ZNF616: variants seen among roughly 807,000 people sequenced by gnomAD.
The protein encoded by ZNF616 is zinc finger protein 616.
In ZNF616, 5 loss-of-function variants were observed where a neutral mutation model predicts 7.6. That is an observed-to-expected ratio of 0.66 (90% CI 0.34 to 1.38). The LOEUF is 1.38. Among genes scored for constraint, ZNF616 ranks in the 40% most tolerant of loss-of-function variants. ZNF616 has a pLI of 0.04. For missense variants in ZNF616, 913 were observed against 948.3 expected, an observed-to-expected ratio of 0.96 and a Z score of 0.49; for synonymous variants, 319 against 317.2, an observed-to-expected ratio of 1.01 and a Z score of -0.06.
At position 52,115,784 on chromosome 19, in the gene ZNF616, G is replaced by C. The variant is rs779774235; in HGVS notation, c.1380C>G (p.Thr460=). ...SHLAVHWRIH[T]GEKAYKCNEC... is the part of the protein sequence containing the mutation. ...CATTGCATTTATAAGCTTTCTCGCC[G>C]GTATGAATTCTCCAATGCACTGCAA... Residue 460 remains threonine (T), a synonymous_variant, in exon 4 of 4, where the codon ACC becomes ACG. Coordinates refer to ENST00000600228, the MANE Select transcript of ZNF616 (RefSeq NM_178523.5). 1.9e-6 allele frequency: 3 copies of C among 1,607,014 alleles called. No individual in the cohort carries two copies. Among genetic ancestry groups the C allele is most frequent in the Non-Finnish European group, 2.5e-6 (3 of 1,177,390 alleles).
rs192022306 is a variant in ZNF616, at chr19:52,131,249, C to A, written c.-76-661G>T. ...AGCCACTGCACTCCAGCCTGGGCGA[C>A]AGAGACTCTGTCACCAAAAAAAAAA... is the stretch of plus-strand genomic sequence containing the variant. On this transcript the variant is annotated intron_variant, in intron 1 of 3. Transcript: ENST00000600228. Among the ~76,000 whole-genome samples the A allele has an allele frequency of 3.0e-3, 350 of 117,752 alleles. 3 individuals are homozygous for A. The highest frequency in any genetic ancestry group is 0.011 in the African/African-American group (328 of 29,684). The allele number at this position is 117,752 out of a possible 152,430, so 77.2% of individuals were successfully genotyped here. A position where few individuals can be genotyped will look rare whatever the true frequency, so the allele number is the denominator to read the frequency against.
intron 2 of ZNF616, 93 bp downstream of exon 2, chr19:52,130,408 G>T: frequency 8.6e-7 from 1 of 1,158,188 alleles, no homozygotes; most frequent in Non-Finnish European, 1.3e-6. Flanking sequence ...ACTCAGAGAA[G>T]ATTTGCAACT....
In ZNF616 at chr19:52,115,249, C is replaced by G; in HGVS notation, c.1915G>C (p.Gly639Arg). 1 of 1,614,164 alleles carries G rather than the reference C, an allele frequency of 6.2e-7. No homozygotes were observed. ...TGGACACGCTGACTAAAGGAATTCC[C>G]ACACTGATTGCATTTGTAAGGTTTC... ...GEKPYKCNQCGNSFSQRVHLR... is the reference protein window; with the variant it reads ...GEKPYKCNQCRNSFSQRVHLR... Residue 639 changes from glycine (G) to arginine (R), a missense_variant, in exon 4 of 4, where the codon GGG (glycine) becomes CGG (arginine). Transcript: ENST00000600228.
At position 52,116,789 on chromosome 19, in the gene ZNF616, T is replaced by C. The variant is rs2122142429; in HGVS notation, c.375A>G (p.Gln125=). Residue 125 remains glutamine, a synonymous_variant, in exon 4 of 4, where the codon CAA becomes CAG. Transcript: ENST00000600228. The stretch of plus-strand genomic sequence containing the variant: ...TGTTTTCTACATCCCCTTGACTATG[T>C]TGATCTCTTTTACCAGTAAGATTGT... The part of the protein sequence containing the change: ...HENNLTGKRD[Q]HSQGDVENNH... 6.2e-7 allele frequency: 1 copy of C among 1,614,152 alleles called. No individual in the cohort carries two copies. Among genetic ancestry groups the C allele is most frequent in the East Asian group, 2.2e-5 (1 of 44,874 alleles).
In ZNF616 at chr19:52,125,712, A is replaced by G. The variant is rs192383585; in HGVS notation, c.13-1663T>C. Among the ~76,000 whole-genome samples the G allele has an allele frequency of 2.8e-4, 42 of 152,096 alleles. 1 individual carries two copies. In the East Asian group the frequency reaches 7.4e-3, roughly 27 times the overall value. On this transcript the variant is annotated intron_variant, in intron 2 of 3. Transcript: ENST00000600228. ...TCCCCTTGACCTTGCCCTAATAAGC[A>G]CTCTCTAAGGTGTCCCTGCCTCCAT...
At chr19:52,128,903 T>G (rs1436850193) in intron 2 of ZNF616, among the ~76,000 whole-genome samples, 2 of 151,578 alleles carry the variant, frequency 1.3e-5, no homozygotes, top group Admixed American at 6.6e-5. Context: ...CATCTCACAG[T>G]TACTTTTTTT....
Position 52,135,068 on chromosome 19 carries a change from C to T in ZNF616, c.-76-4480G>A, listed in dbSNP as rs1438156133. Among the ~76,000 whole-genome samples the T allele has an allele frequency of 2.0e-5, 3 of 152,180 alleles. 1 individual carries two copies. Among genetic ancestry groups the T allele is most frequent in the Non-Finnish European group, 4.4e-5 (3 of 68,044 alleles). On this transcript the variant is annotated intron_variant, in intron 1 of 3. Transcript: ENST00000600228. ...TGAAAAATCTTCCCTAAGCCACCATCCTGCCATAGACCCACCACAGAAAAC... is the reference window on the plus strand; with the variant it reads ...TGAAAAATCTTCCCTAAGCCACCATTCTGCCATAGACCCACCACAGAAAAC...
Position 52,139,368 on chromosome 19 carries a change from AGGAGGACACTAGGTGGCGCGC to A in ZNF616, c.-77+343_-77+363del, listed in dbSNP as rs370435150. ...CTGGGGAGGGGAAGGACCCGGCGTG[AGGAGGACACTAGGTGGCGCGC>A]GGAGGACACTAGGTGGCGCGGGGGA... On this transcript the variant is annotated intron_variant, in intron 1 of 3. Transcript: ENST00000600228. This position sits in a 1 kb window ranked among gnomAD's most constrained non-coding sequence, Gnocchi z 4.1. Among the ~76,000 whole-genome samples, 2,978 of 152,178 alleles carry A rather than the reference AGGAGGACACTAGGTGGCGCGC, an allele frequency of 0.02. 89 individuals are homozygous for A. Among genetic ancestry groups the A allele is most frequent in the African/African-American group, 0.062 (2,565 of 41,494 alleles).
chr19:52,120,820 G>A (rs2088859490), intron 3 of ZNF616, among the ~76,000 whole-genome samples: 1 of 152,044 alleles, frequency 6.6e-6, no homozygotes, highest in Admixed American at 6.6e-5. Context: ...TATGAAGCAA[G>A]AGAAACATAA....
intron 2 of ZNF616, among the ~76,000 whole-genome samples, chr19:52,128,741 C>CAA (rs201369673): frequency 2.8e-5 from 2 of 70,432 alleles, no homozygotes; most frequent in Non-Finnish European, 5.9e-5. Context: ...AACTCCGTCT[C>CAA]AAAAAAAAAA....
chr19:52,134,713 G>A (rs777578277), intron 1 of ZNF616, among the ~76,000 whole-genome samples: 9 of 152,142 alleles, frequency 5.9e-5, no homozygotes, highest in Non-Finnish European at 1.0e-4. Flanking sequence ...TGTGTTAAGT[G>A]TGAGAGTAGA....
intron 2 of ZNF616, among the ~76,000 whole-genome samples, chr19:52,128,152 C>A (rs2122161116): frequency 6.7e-6 from 1 of 149,998 alleles, no homozygotes; most frequent in South Asian, 2.1e-4. Flanking sequence ...TCCTCATACA[C>A]CAACGACACA....
intron 3 of ZNF616, among the ~76,000 whole-genome samples, 186 bp from the exon 4 acceptor site, chr19:52,117,210 C>T (rs899840588): frequency 6.6e-6 from 1 of 152,080 alleles, no homozygotes; most frequent in African/African-American, 2.4e-5. Flanking sequence ...GAAAGGGTGA[C>T]TACATGTAAT....
chr19:52,130,680 G>A, intron 1 of ZNF616, 92 bp from the exon 2 acceptor site: 1 of 902,792 alleles, frequency 1.1e-6, no homozygotes, highest in South Asian at 1.7e-5. Flanking sequence ...CTCAGCCTGT[G>A]GAGAGACAGC....
At chr19:52,117,106 A>T in intron 3 of ZNF616, 82 bp from the exon 4 acceptor site, 2 of 1,222,188 alleles carry the variant, frequency 1.6e-6, no homozygotes, top group Non-Finnish European at 2.3e-6. Flanking sequence ...ACATACCTAC[A>T]CTAAACATAA....
rs1212274068 is a variant in ZNF616, at chr19:52,139,401, G to C, written c.-77+331C>G. ...ACTAGGTGGCGCGCGGAGGACACTA[G>C]GTGGCGCGGGGGACGGTGTCTCAGG... On this transcript the variant is annotated intron_variant, in intron 1 of 3. Transcript: ENST00000600228. This position sits in a 1 kb window ranked among gnomAD's most constrained non-coding sequence, Gnocchi z 4.1. Among the ~76,000 whole-genome samples the C allele has an allele frequency of 6.6e-6, 1 of 150,856 alleles. No individual in the cohort carries two copies. Among genetic ancestry groups the C allele is most frequent in the African/African-American group, 2.5e-5 (1 of 40,316 alleles).
chr19:52,124,506 A>G (rs1426781239), intron 2 of ZNF616, among the ~76,000 whole-genome samples: 4 of 152,218 alleles, frequency 2.6e-5, no homozygotes, highest in Admixed American at 2.0e-4. Flanking sequence ...AATGCTTTAC[A>G]TGTTCTAATT....
Position 52,139,195 on chromosome 19 carries a change from G to C in ZNF616, c.-77+537C>G, listed in dbSNP as rs945652667. 2.6e-5 allele frequency among the ~76,000 whole-genome samples: 4 copies of C among 152,144 alleles called. No homozygotes were observed. Among genetic ancestry groups the C allele is most frequent in the African/African-American group, 9.7e-5 (4 of 41,440 alleles). ...CTCACCCACACATTCAGGAGGAAAG[G>C]GGAGGAATACGATGCCCACCTCCCG... On this transcript the variant is annotated intron_variant, in intron 1 of 3. Transcript: ENST00000600228. This position sits in a 1 kb window ranked among gnomAD's most constrained non-coding sequence, Gnocchi z 4.1.
chr19:52,135,792 G>A (rs1239535371), intron 1 of ZNF616, among the ~76,000 whole-genome samples: 1 of 152,202 alleles, frequency 6.6e-6, no homozygotes, highest in Non-Finnish European at 1.5e-5. Flanking sequence ...CCTGGACAAT[G>A]AGAAGTTGTT....
Sources: gnomAD v4.1 joint callset for allele counts (sites outside exome capture counted in the v4.1 genomes callset) on GRCh38, gnomAD v4.1.1 for gene constraint, Gnocchi (gnomAD v3.1) non-coding constraint, MANE v1.5 for transcripts, NCBI Gene and HGNC (gene_info 2026-07-23, HGNC 2026-07-21) for gene names.